Variants in SELP observed in about 807,000 individuals in gnomAD.
The protein encoded by SELP is P-selectin.
A neutral mutation model predicts 104.1 loss-of-function variants in SELP; 92 were observed. The observed-to-expected ratio is 0.88, with a 90% CI of 0.75 to 1.05. The LOEUF (loss-of-function observed/expected upper bound fraction) is 1.05, where lower values mean the gene tolerates loss of function less well. Among genes scored for constraint, SELP ranks in the 50% least tolerant of loss-of-function variants. SELP has a pLI of 0.00. For missense variants in SELP, 1,022 were observed against 1,017.3 expected (o/e 1.00, Z -0.06); for synonymous variants, 397 against 364.5 (o/e 1.09, Z -1.01).
At chr1:169,597,681 TTG>T (rs1402203316) in intron 10 of SELP, among the ~76,000 whole-genome samples, 2 of 152,192 alleles carry the variant, frequency 1.3e-5, no homozygotes, top group Non-Finnish European at 2.9e-5. Context: ...ACTAATTGTT[TTG>T]TTTATTTTGC....
intron 2 of SELP, among the ~76,000 whole-genome samples, chr1:169,618,464 T>C (rs901442915): frequency 6.6e-5 from 10 of 152,360 alleles, no homozygotes; most frequent in Non-Finnish European, 1.5e-4. Context: ...TATCATAGTC[T>C]GTGGGAGTCC....
At chr1:169,624,145 A>C (rs532445828) in intron 1 of SELP, among the ~76,000 whole-genome samples, 40 of 152,310 alleles carry the variant, frequency 2.6e-4, no homozygotes, top group African/African-American at 9.4e-4. Flanking sequence ...ATGATGTTTA[A>C]AAATCTTCTT....
intron 10 of SELP, among the ~76,000 whole-genome samples, chr1:169,597,626 T>C (rs929231819): frequency 6.6e-6 from 1 of 152,182 alleles, no homozygotes; most frequent in Non-Finnish European, 1.5e-5. Context: ...AAAACTGCAA[T>C]GATTGCTTTC....
At chr1:169,618,066 G>A (rs1207914779) in intron 2 of SELP, among the ~76,000 whole-genome samples, 1 of 152,152 alleles carries the variant, frequency 6.6e-6, no homozygotes, top group African/African-American at 2.4e-5. Context: ...TGTGCTCATT[G>A]CCATGTACGG....
intron 10 of SELP, among the ~76,000 whole-genome samples, chr1:169,599,875 G>A (rs1373231515): frequency 1.3e-5 from 2 of 152,130 alleles, no homozygotes; most frequent in Non-Finnish European, 2.9e-5. Flanking sequence ...TTGGAACCAG[G>A]ACCCCTCCCC....
chr1:169,590,224 A>T, intron 15 of SELP, 22 bp from the exon 16 acceptor site: 1 of 1,592,526 alleles, frequency 6.3e-7, no homozygotes, highest in Non-Finnish European at 8.6e-7. Context: ...AAACACAAGG[A>T]TGGCAACAAT....
In SELP at chr1:169,594,678, C is replaced by T. The variant is rs747129326; in HGVS notation, c.2287+14G>A. 1 of 1,610,200 alleles carries T rather than the reference C, an allele frequency of 6.2e-7. No homozygotes were observed. The highest frequency in any genetic ancestry group is 8.5e-7 in the Non-Finnish European group (1 of 1,177,378). ...CACATCAAAGTGACTTCTTAACCCA[C>T]ATGAAAATTGTACCTTGGCAGGTTG... On this transcript the variant is annotated intron_variant, in intron 13 of 16. Coordinates refer to ENST00000263686, the MANE Select transcript of SELP (RefSeq NM_003005.4).
chr1:169,618,421 C>T (rs143153710), intron 2 of SELP, among the ~76,000 whole-genome samples: 13 of 152,242 alleles, frequency 8.5e-5, no homozygotes, highest in Non-Finnish European at 1.6e-4. Flanking sequence ...AAAGAATGTG[C>T]GTTTCAAAAG....
intron 5 of SELP, among the ~76,000 whole-genome samples, 166 bp from the exon 6 acceptor site, chr1:169,612,568 A>G (rs1191389201): frequency 6.6e-6 from 1 of 151,464 alleles, no homozygotes; most frequent in East Asian, 1.9e-4. Flanking sequence ...AAGATCAAAC[A>G]CCCTTGTTTT....
Position 169,591,427 on chromosome 1 carries a change from T to C in SELP, c.2437A>G (p.Ser813Gly). 6.3e-7 allele frequency: 1 copy of C among 1,579,920 alleles called. No individual in the cohort carries two copies. ...AATCATAAAACATTTCTACCTTACC[T>C]GTGAGGATTCAAGGGGCATTTCCCA... ...DDGKCPLNPH[S>G]HLGTYGVFTN... Residue 813 changes from serine (S) to glycine (G), a missense_variant and splice_region_variant, in exon 15 of 17, where the codon AGC becomes GGC. Transcript: ENST00000263686.
chr1:169,618,333 C>T (rs138815970), intron 2 of SELP, among the ~76,000 whole-genome samples: 137 of 152,288 alleles, frequency 9.0e-4, no homozygotes, highest in African/African-American at 3.2e-3. Flanking sequence ...TCTACTTCTT[C>T]CATGTCTGAA....
chr1:169,593,735 AAC>A lies in SELP; in HGVS notation c.2288-13_2288-12del, dbSNP rs758198873. Reference sequence around the variant, plus strand: ...TAGTCAATGGTCCTGCTACAAAACAAACACACACACATGCAAGACATAAGAAG... The same window carrying A: ...TAGTCAATGGTCCTGCTACAAAACAAACACACACATGCAAGACATAAGAAG... On this transcript the variant is annotated splice_polypyrimidine_tract_variant and intron_variant, in intron 13 of 16. Transcript: ENST00000263686. The A allele has an allele frequency of 1.2e-6, 2 of 1,612,898 alleles. No homozygotes were observed. Among genetic ancestry groups the A allele is most frequent in the Admixed American group, 1.7e-5 (1 of 59,896 alleles).
At chr1:169,609,416 TAAAG>T in intron 8 of SELP, 84 bp downstream of exon 8, 1 of 1,308,402 alleles carries the variant, frequency 7.6e-7, no homozygotes, top group Non-Finnish European at 1.1e-6. Flanking sequence ...GAATATCTGA[TAAAG>T]AAAGGCATGC....
intron 8 of SELP, 50 bp from the exon 9 acceptor site, chr1:169,607,184 C>A: frequency 1.4e-6 from 2 of 1,424,406 alleles, no homozygotes; most frequent in South Asian, 1.6e-5. Flanking sequence ...CACATGTACT[C>A]ATTGATTTTT....
intron 2 of SELP, among the ~76,000 whole-genome samples, chr1:169,618,555 G>A (rs1662939380): frequency 6.6e-6 from 1 of 152,180 alleles, no homozygotes; most frequent in Non-Finnish European, 1.5e-5. Context: ...TTTCTTTCCT[G>A]TTTATTTAAA....
At chr1:169,628,567 T>C (rs747582333) in intron 1 of SELP, among the ~76,000 whole-genome samples, 5 of 152,214 alleles carry the variant, frequency 3.3e-5, no homozygotes, top group Non-Finnish European at 5.9e-5. Context: ...AGAAGGGTTC[T>C]TACCCTGGGA....
At chr1:169,628,866 G>A (rs772693602) in intron 1 of SELP, among the ~76,000 whole-genome samples, 25 of 152,134 alleles carry the variant, frequency 1.6e-4, no homozygotes, top group Non-Finnish European at 3.1e-4. Flanking sequence ...ACTTAAGACA[G>A]GCTCAAACTC....
At chr1:169,607,253 T>C (rs1662250153) in intron 8 of SELP, 119 bp from the exon 9 acceptor site, 4 of 747,566 alleles carry the variant, frequency 5.4e-6, no homozygotes, top group Admixed American at 4.0e-5. Flanking sequence ...TTGTTTAACA[T>C]AGAAGATAAG....
Position 169,595,976 on chromosome 1 carries a change from G to C in SELP, c.2050C>G (p.Leu684Val). The C allele has an allele frequency of 6.2e-7, 1 of 1,613,878 alleles. No individual in the cohort carries two copies. Among genetic ancestry groups the C allele is most frequent in the Non-Finnish European group, 8.5e-7 (1 of 1,179,848 alleles). ...CATTGTCCTGAAGGTCTGCAGCTGA[G>C]AGTGCTGTCTCCTATGAGTGTGAAT... The part of the protein sequence containing the change: ...AGFTLIGDST[L>V]SCRPSGQWTA... The change falls in exon 12 of 17, where the codon CTC becomes GTC. Residue 684 changes from leucine (L) to valine (V), a missense_variant. By Grantham distance (32) the Leu-to-Val change is conservative. Transcript: ENST00000263686.
Sources: allele counts gnomAD v4.1 joint callset (sites outside exome capture counted in the v4.1 genomes callset), GRCh38; gene constraint gnomAD v4.1.1; transcripts MANE v1.5; gene names NCBI Gene and HGNC (gene_info 2026-07-23, HGNC 2026-07-21).